The following DSCAM variants were observed in gnomAD, a reference collection of about 807,000 sequenced individuals.
DSCAM encodes DS cell adhesion molecule.
A neutral mutation model predicts 217.7 loss-of-function variants in DSCAM; 47 were observed. That is an observed-to-expected ratio of 0.22 (90% CI 0.17 to 0.28). The LOEUF (loss-of-function observed/expected upper bound fraction) is 0.28, where lower values mean the gene tolerates loss of function less well. Ranked by LOEUF, DSCAM falls within the 10% of genes least tolerant of loss-of-function variation. The pLI, the probability that DSCAM is intolerant of heterozygous loss-of-function variation, is 1.00. For missense variants in DSCAM, 2,080 were observed against 2,618.3 expected (o/e 0.79, Z 4.49); for synonymous variants, 1,056 against 1,015.3 (o/e 1.04, Z -0.76).
At chr21:40,256,510 T>C (rs1391607244) in intron 11 of DSCAM, among the ~76,000 whole-genome samples, 2 of 152,070 alleles carry the variant, frequency 1.3e-5, no homozygotes, top group Non-Finnish European at 2.9e-5. Context: ...CATGAAATTG[T>C]GTGGGCTAGT....
chr21:40,241,596 A>T (rs569551999), intron 11 of DSCAM, among the ~76,000 whole-genome samples: 3 of 152,202 alleles, frequency 2.0e-5, no homozygotes, highest in Non-Finnish European at 4.4e-5. Context: ...GTGATTCCTC[A>T]AAAAGCTAAA....
At chr21:40,590,228 A>G (rs1022398025) in intron 3 of DSCAM, among the ~76,000 whole-genome samples, 1 of 152,232 alleles carries the variant, frequency 6.6e-6, no homozygotes, top group Non-Finnish European at 1.5e-5. Context: ...GAAGTATGTA[A>G]ATATAAAATA....
chr21:40,218,175 T>G (rs2091260477), intron 11 of DSCAM, among the ~76,000 whole-genome samples: 1 of 152,308 alleles, frequency 6.6e-6, no homozygotes, highest in Middle Eastern at 3.4e-3. Flanking sequence ...TTGTACATGT[T>G]GTAAGAAAGG....
intron 3 of DSCAM, among the ~76,000 whole-genome samples, chr21:40,442,007 C>A (rs1014722458): frequency 2.0e-5 from 3 of 152,248 alleles, no homozygotes; most frequent in Non-Finnish European, 2.9e-5. Flanking sequence ...TGTTTATCTT[C>A]TCTTCTAGAT....
At chr21:40,142,455 G>A (rs2090303277) in intron 18 of DSCAM, 103 bp downstream of exon 18, 1 of 1,288,378 alleles carries the variant, frequency 7.8e-7, no homozygotes, top group Non-Finnish European at 1.1e-6. Flanking sequence ...ATAAAGAGGT[G>A]CCCGCCATAT....
At chr21:40,347,578 C>A in intron 6 of DSCAM, 92 bp downstream of exon 6, 1 of 1,536,596 alleles carries the variant, frequency 6.5e-7, no homozygotes, top group Non-Finnish European at 8.9e-7. Flanking sequence ...TAGAACTGAG[C>A]GATCAGCACT....
At chr21:40,758,021 G>A (rs2091292892) in intron 1 of DSCAM, among the ~76,000 whole-genome samples, 1 of 152,120 alleles carries the variant, frequency 6.6e-6, no homozygotes, top group Admixed American at 6.5e-5. Flanking sequence ...TTCAATGACT[G>A]GTTTTCTTAT....
chr21:40,339,494 A>C, intron 6 of DSCAM, 79 bp from the exon 7 acceptor site: 1 of 1,366,892 alleles, frequency 7.3e-7, no homozygotes. Flanking sequence ...TTTCATGTCT[A>C]GGGGGTAAAT....
intron 3 of DSCAM, among the ~76,000 whole-genome samples, chr21:40,499,781 C>A (rs28692756): frequency 4.6e-5 from 7 of 151,752 alleles, no homozygotes; most frequent in African/African-American, 1.7e-4. Context: ...TTCTTTTTTT[C>A]TTTTTCTTTT....
intron 32 of DSCAM, among the ~76,000 whole-genome samples, chr21:40,029,584 G>A (rs140033175): frequency 1.7e-3 from 263 of 152,108 alleles, no homozygotes; most frequent in African/African-American, 5.1e-3. Flanking sequence ...AGTAGGAGGC[G>A]GGCCCCAAGG....
At chr21:40,276,901 A>C (rs1469288994) in intron 10 of DSCAM, among the ~76,000 whole-genome samples, 1 of 152,174 alleles carries the variant, frequency 6.6e-6, no homozygotes, top group Non-Finnish European at 1.5e-5. Flanking sequence ...CAAGGAGGGA[A>C]TGGCACAGAT....
intron 32 of DSCAM, among the ~76,000 whole-genome samples, chr21:40,019,579 T>C (rs1038341655): frequency 8.5e-5 from 13 of 152,136 alleles, no homozygotes; most frequent in African/African-American, 1.9e-4. Flanking sequence ...GCCCCACAGC[T>C]TACCATTCAG....
chr21:40,296,831 C>CAAA (rs58219836), intron 9 of DSCAM, among the ~76,000 whole-genome samples: 2,495 of 53,564 alleles, frequency 0.047, 163 homozygotes, highest in African/African-American at 0.12. Flanking sequence ...AACTCCATCT[C>CAAA]AAAAAAAAAA....
intron 32 of DSCAM, among the ~76,000 whole-genome samples, chr21:40,032,633 CA>C (rs1011679644): frequency 3.3e-5 from 5 of 152,110 alleles, no homozygotes; most frequent in African/African-American, 1.2e-4. Context: ...ATATTAAACT[CA>C]AAAAGTGTTA....
chr21:40,674,718 C>A (rs922205260), intron 3 of DSCAM, among the ~76,000 whole-genome samples: 1 of 149,302 alleles, frequency 6.7e-6, no homozygotes, highest in Non-Finnish European at 1.5e-5. Flanking sequence ...CTGCAAGCTC[C>A]GCCTCCCAGG....
intron 3 of DSCAM, among the ~76,000 whole-genome samples, chr21:40,512,774 C>A (rs1414836349): frequency 6.6e-6 from 1 of 152,114 alleles, no homozygotes. Flanking sequence ...AGGCCTCCCC[C>A]GAGACCCATT....
chr21:40,429,348 CCT>C (rs1245186762), intron 3 of DSCAM, among the ~76,000 whole-genome samples: 2 of 151,758 alleles, frequency 1.3e-5, no homozygotes, highest in African/African-American at 4.8e-5. Flanking sequence ...CTCACTGCAA[CCT>C]CTGTCTCCCG....
At chr21:40,013,485 G>A in intron 32 of DSCAM, 99 bp from the exon 33 acceptor site, 1 of 841,538 alleles carries the variant, frequency 1.2e-6, no homozygotes, top group Non-Finnish European at 1.7e-6. Context: ...CTTTAGAGAT[G>A]AGAATGCCGC....
rs769859882 is a variant in DSCAM, at chr21:40,369,160, G to C, written c.594C>G (p.Ile198Met). 1 of 1,613,502 alleles carries C rather than the reference G, an allele frequency of 6.2e-7. No homozygotes were observed. The highest frequency in any genetic ancestry group is 8.5e-7 in the Non-Finnish European group (1 of 1,179,710). ...NEDGLYNYRC[I>M]TRHRYTGETR... Reference sequence around the variant, plus strand: ...TCTCTCCGGTGTATCGATGCCGCGTGATGCAGCGGTAGTTATACAATCCAT... The same window carrying C: ...TCTCTCCGGTGTATCGATGCCGCGTCATGCAGCGGTAGTTATACAATCCAT... Residue 198 changes from isoleucine (I) to methionine (M), a missense_variant, in exon 4 of 33, where the codon ATC becomes ATG. Physicochemically the swap from Ile to Met is conservative, Grantham distance 10 (BLOSUM62 1). This residue lies in a region of DSCAM where 568 missense variants were observed against 678.1 expected (regional missense o/e 0.84). Transcript: ENST00000400454.
Sources: gnomAD v4.1 joint callset for allele counts (sites outside exome capture counted in the v4.1 genomes callset) on GRCh38, gnomAD v4.1.1 for gene constraint, gnomAD v4.1.1 regional missense constraint, MANE v1.5 for transcripts, NCBI Gene and HGNC (gene_info 2026-07-23, HGNC 2026-07-21) for gene names.